MTUS2: variants seen among roughly 807,000 people sequenced by gnomAD.
The protein encoded by MTUS2 is microtubule associated scaffold protein 2.
A neutral mutation model predicts 114.1 loss-of-function variants in MTUS2; 40 were observed. The ratio of observed to expected loss-of-function variants is 0.35; its 90% confidence interval spans 0.27 to 0.46. MTUS2 has a LOEUF of 0.46. MTUS2 is among the 20% of genes least tolerant of loss of function. The probability of loss-of-function intolerance (pLI) is 1.00; values close to 1 mark genes in which losing one functional copy is unlikely to be tolerated. For synonymous variants in MTUS2, 688 were observed against 672.0 expected, an observed-to-expected ratio of 1.02 and a Z score of -0.37; for missense variants, 1,679 against 1,705.4, an observed-to-expected ratio of 0.98 and a Z score of 0.27.
In MTUS2 at chr13:29,326,060, T is replaced by A. The variant is rs376299151; in HGVS notation, c.2905+1349T>A. Among the ~76,000 whole-genome samples the A allele has an allele frequency of 2.0e-5, 3 of 152,136 alleles. 1 individual carries two copies. The East Asian group carries it at 5.8e-4, about 29-fold the overall frequency. On this transcript the variant is annotated intron_variant, in intron 7 of 15. Transcript: ENST00000612955. ...CAGGAGACAAAGCCTGGTAATTGGGTGAGAGATCTGAGGACCCTGCATAAA... is the reference window on the plus strand; with the variant it reads ...CAGGAGACAAAGCCTGGTAATTGGGAGAGAGATCTGAGGACCCTGCATAAA...
At chr13:29,486,462 G>C (rs556848139) in intron 10 of MTUS2, among the ~76,000 whole-genome samples, 1 of 152,176 alleles carries the variant, frequency 6.6e-6, no homozygotes, top group Non-Finnish European at 1.5e-5. Context: ...TCTCCATTCA[G>C]ATCAAAGGTT....
intron 2 of MTUS2, among the ~76,000 whole-genome samples, chr13:28,975,843 C>T (rs1028925049): frequency 6.6e-6 from 1 of 152,114 alleles, no homozygotes; most frequent in East Asian, 1.9e-4. Flanking sequence ...ACATTTATGA[C>T]CTACTGTATT....
At chr13:29,463,609 C>T (rs1361003067) in intron 9 of MTUS2, among the ~76,000 whole-genome samples, 3 of 151,728 alleles carry the variant, frequency 2.0e-5, no homozygotes, top group East Asian at 1.9e-4. Context: ...TCACAGCCAC[C>T]GAAGACCAGA....
chr13:28,830,886 CA>C (rs540034453), intron 1 of MTUS2, among the ~76,000 whole-genome samples: 1 of 151,796 alleles, frequency 6.6e-6, no homozygotes, highest in Non-Finnish European at 1.5e-5. Flanking sequence ...TGCTGAAAGA[CA>C]AAAAAACTGT....
At chr13:29,078,099 CT>C (rs916342705) in intron 4 of MTUS2, among the ~76,000 whole-genome samples, 7 of 150,340 alleles carry the variant, frequency 4.7e-5, no homozygotes, top group Non-Finnish European at 8.9e-5. Context: ...AAATTTTCAT[CT>C]TTTTTTTGGG....
chr13:29,502,019 CACAT>C (rs532985202), intron 15 of MTUS2, among the ~76,000 whole-genome samples: 3 of 152,342 alleles, frequency 2.0e-5, no homozygotes, highest in East Asian at 3.9e-4. Context: ...TACATTCTCT[CACAT>C]ACATACGCTC....
rs1208121061 is a variant in MTUS2 at position 29,074,990 on chromosome 13, T to C, written c.2447-25783T>C. Among the ~76,000 whole-genome samples, 5 of 152,208 alleles carry C rather than the reference T, an allele frequency of 3.3e-5. No individual in the cohort carries two copies. The East Asian group carries it at 5.8e-4, about 18-fold the overall frequency. On this transcript the variant is annotated intron_variant, in intron 4 of 15. Transcript: ENST00000612955. ...TTTCATCACCCTAAAAAGAAACTTA[T>C]CAATATACTGTCGCTCCAGATTTCT...
rs3812869 is a variant in MTUS2, at chr13:29,025,298, C to T, written c.600C>T (p.Leu200=). 9.6e-4 allele frequency: 1,554 copies of T among 1,613,944 alleles called. 9 individuals are homozygous for T. The highest frequency in any genetic ancestry group is 3.4e-3 in the East Asian group (154 of 44,874). ...CGCAGCATCCACAGCCTCTATCCCT[C>T]GACTCCCGGGAAGCACGGGGTCAGA... ...LTPQHPQPLS[L]DSREARGQIP... The change falls in exon 3 of 16, where the codon CTC becomes CTT. Residue 200 remains leucine (L), a synonymous_variant. Transcript: ENST00000612955.
At chr13:29,478,949 G>A (rs777471877) in intron 9 of MTUS2, among the ~76,000 whole-genome samples, 8 of 152,182 alleles carry the variant, frequency 5.3e-5, no homozygotes, top group African/African-American at 9.7e-5. Flanking sequence ...AGAAGAAAAC[G>A]TTAACATCCC....
At chr13:29,022,587 A>G (rs1055866679) in intron 2 of MTUS2, among the ~76,000 whole-genome samples, 1 of 152,264 alleles carries the variant, frequency 6.6e-6, no homozygotes, top group African/African-American at 2.4e-5. Context: ...CAGGAGAAAC[A>G]TAACAGTAGC....
intron 2 of MTUS2, among the ~76,000 whole-genome samples, chr13:28,867,796 G>A (rs1042877381): frequency 5.3e-5 from 8 of 152,162 alleles, no homozygotes; most frequent in Non-Finnish European, 1.0e-4. Context: ...TTTGCCAAGT[G>A]GCTGACTGTT....
At chr13:29,311,499 T>G (rs1899760615) in intron 6 of MTUS2, among the ~76,000 whole-genome samples, 1 of 152,238 alleles carries the variant, frequency 6.6e-6, no homozygotes. Flanking sequence ...TGCATTTAAA[T>G]GGTTATGGCT....
chr13:29,074,501 G>A (rs1889095201), intron 4 of MTUS2, among the ~76,000 whole-genome samples: 1 of 152,192 alleles, frequency 6.6e-6, no homozygotes, highest in African/African-American at 2.4e-5. Context: ...GGCACGCGGT[G>A]TACATTCAAT....
chr13:29,323,402 A>G (rs552490567), intron 6 of MTUS2, among the ~76,000 whole-genome samples: 1 of 151,458 alleles, frequency 6.6e-6, no homozygotes, highest in South Asian at 2.1e-4. Flanking sequence ...GGTGCCCACC[A>G]CCATGCCTGG....
At chr13:29,257,888 C>T (rs757346967) in intron 5 of MTUS2, among the ~76,000 whole-genome samples, 5 of 152,160 alleles carry the variant, frequency 3.3e-5, no homozygotes, top group Non-Finnish European at 7.4e-5. Flanking sequence ...CTCCAGGGGG[C>T]CAGGGTGGCC....
chr13:29,232,277 TAC>T (rs869185360), intron 5 of MTUS2, among the ~76,000 whole-genome samples: 106 of 87,572 alleles, frequency 1.2e-3, no homozygotes, highest in East Asian at 8.8e-3. Context: ...TATACATACA[TAC>T]ACACACACAC....
At chr13:29,182,148 G>A (rs2139161771) in intron 5 of MTUS2, among the ~76,000 whole-genome samples, 1 of 152,308 alleles carries the variant, frequency 6.6e-6, no homozygotes, top group Middle Eastern at 3.4e-3. Context: ...ATAGCTTGGA[G>A]TGGACTGAGC....
intron 3 of MTUS2, among the ~76,000 whole-genome samples, chr13:29,032,698 T>C (rs1465078594): frequency 1.3e-5 from 2 of 152,248 alleles, no homozygotes; most frequent in Non-Finnish European, 1.5e-5. Context: ...GAGGACTTTG[T>C]ATCTATTTCA....
At chr13:28,944,272 A>G (rs1464521200) in intron 2 of MTUS2, among the ~76,000 whole-genome samples, 4 of 152,182 alleles carry the variant, frequency 2.6e-5, no homozygotes, top group Non-Finnish European at 4.4e-5. Flanking sequence ...TGACAGATCA[A>G]TGTAAACTAT....
Sources: gnomAD v4.1 joint callset for allele counts (sites outside exome capture counted in the v4.1 genomes callset) on GRCh38, gnomAD v4.1.1 for gene constraint, MANE v1.5 for transcripts, NCBI Gene and HGNC (gene_info 2026-07-23, HGNC 2026-07-21) for gene names.